AFTPH: variants seen among roughly 807,000 people sequenced by gnomAD.
The protein encoded by AFTPH is aftiphilin protein.
AFTPH carries 7 observed loss-of-function variants against 72.5 expected under a neutral mutation model. The ratio of observed to expected loss-of-function variants is 0.10; its 90% CI spans 0.05 to 0.18. The LOEUF (loss-of-function observed/expected upper bound fraction) is 0.18. Ranked by LOEUF, AFTPH falls within the 10% of genes least tolerant of loss-of-function variation. The pLI, the probability that AFTPH is intolerant of heterozygous loss-of-function variation, is 1.00. For synonymous variants in AFTPH, 337 were observed against 370.1 expected (o/e 0.91, Z 1.03); for missense variants, 979 against 1,060.5 (o/e 0.92, Z 1.07).
chr2:64,533,965 A>T (rs1669760400), intron 1 of AFTPH, among the ~76,000 whole-genome samples: 1 of 152,160 alleles, frequency 6.6e-6, no homozygotes, highest in Non-Finnish European at 1.5e-5. Context: ...TTCAAAGCAA[A>T]ACTCCTAGGA....
chr2:64,570,359 T>A (rs1672341507), intron 5 of AFTPH, among the ~76,000 whole-genome samples: 1 of 152,122 alleles, frequency 6.6e-6, no homozygotes, highest in Non-Finnish European at 1.5e-5. Flanking sequence ...AAGGAAAAAA[T>A]AATGAAGGAA....
At chr2:64,554,762 CT>C (rs1220996498) in intron 2 of AFTPH, among the ~76,000 whole-genome samples, 1 of 152,192 alleles carries the variant, frequency 6.6e-6, no homozygotes, top group African/African-American at 2.4e-5. Flanking sequence ...AAGAAGTGAA[CT>C]AATTATGATG....
intron 8 of AFTPH, among the ~76,000 whole-genome samples, chr2:64,585,752 C>A (rs776677330): frequency 5.3e-5 from 8 of 152,126 alleles, no homozygotes; most frequent in Non-Finnish European, 1.2e-4. Flanking sequence ...AAGAGATTGG[C>A]CAAGGCTGAC....
In AFTPH at chr2:64,529,347, A is replaced by G. The variant is rs547268467; in HGVS notation, c.-33+4735A>G. ...TTTTTTCACCATTCCTTCTCTTCCC[A>G]ATCAAGTGTGATCTTTTTCTTAGAA... is the stretch of plus-strand genomic sequence containing the variant. On this transcript the variant is annotated intron_variant, in intron 1 of 8. Transcript: ENST00000238856. Among the ~76,000 whole-genome samples, 103 of 147,976 alleles carry G rather than the reference A, an allele frequency of 7.0e-4. 1 individual carries two copies. In the South Asian group the frequency reaches 0.022, roughly 31 times the overall value.
intron 2 of AFTPH, among the ~76,000 whole-genome samples, chr2:64,556,484 ATTTG>A (rs1385312126): frequency 6.6e-5 from 10 of 152,170 alleles, no homozygotes; most frequent in Admixed American, 3.3e-4. Context: ...ATTTGATTTA[ATTTG>A]TTTGATTAAA....
chr2:64,544,343 C>T (rs931072899), intron 1 of AFTPH, among the ~76,000 whole-genome samples: 4 of 152,132 alleles, frequency 2.6e-5, no homozygotes, highest in African/African-American at 4.8e-5. Context: ...AAGACAATAG[C>T]GGCATTATTT....
At chr2:64,549,707 G>C (rs1038948184) in intron 1 of AFTPH, among the ~76,000 whole-genome samples, 1 of 151,940 alleles carries the variant, frequency 6.6e-6, no homozygotes, top group African/African-American at 2.4e-5. Context: ...GTATTAAAAA[G>C]AAGCTATTAC....
chr2:64,564,114 C>G (rs867253184), intron 2 of AFTPH, among the ~76,000 whole-genome samples: 3 of 151,994 alleles, frequency 2.0e-5, no homozygotes, highest in Admixed American at 6.6e-5. Context: ...TTTCCCCCAA[C>G]TCAATAGGAT....
chr2:64,557,520 C>T (rs757441478), intron 2 of AFTPH, among the ~76,000 whole-genome samples: 3 of 152,134 alleles, frequency 2.0e-5, no homozygotes, highest in Non-Finnish European at 4.4e-5. Context: ...CTTGCTCTGT[C>T]GCCCAGGCTG....
intron 1 of AFTPH, among the ~76,000 whole-genome samples, chr2:64,538,270 A>AT (rs1300148972): frequency 6.6e-6 from 1 of 152,084 alleles, no homozygotes; most frequent in Non-Finnish European, 1.5e-5. Context: ...AATGTTATAT[A>AT]TTTTTTTCTT....
intron 1 of AFTPH, among the ~76,000 whole-genome samples, chr2:64,525,737 AACACAGTC>A (rs1669222166): frequency 6.6e-6 from 1 of 152,232 alleles, no homozygotes; most frequent in Admixed American, 6.5e-5. Flanking sequence ...TAATATAATT[AACACAGTC>A]ACGTACATTT....
At chr2:64,555,988 A>ATTTTTTTTTTTTTTTT (rs1671340299) in intron 2 of AFTPH, among the ~76,000 whole-genome samples, 2 of 131,664 alleles carry the variant, frequency 1.5e-5, no homozygotes, top group African/African-American at 7.2e-5. Flanking sequence ...CGAATTCCTC[A>ATTTTTTTTTTTTTTTT]CTTTTTTTTT....
chr2:64,547,491 G>A (rs1670724610), intron 1 of AFTPH, among the ~76,000 whole-genome samples: 1 of 152,180 alleles, frequency 6.6e-6, no homozygotes. Context: ...TTAAGGTAGT[G>A]TCAGGCTTCA....
At chr2:64,572,842 C>G in intron 5 of AFTPH, 104 bp from the exon 6 acceptor site, 1 of 1,434,826 alleles carries the variant, frequency 7.0e-7, no homozygotes, top group Non-Finnish European at 9.4e-7. Flanking sequence ...GTCTTCAGTA[C>G]TTTCCAAGTG....
At chr2:64,572,705 A>T (rs890718429) in intron 5 of AFTPH, among the ~76,000 whole-genome samples, 1 of 152,180 alleles carries the variant, frequency 6.6e-6, no homozygotes, top group African/African-American at 2.4e-5. Flanking sequence ...AATAAAATTT[A>T]AGAATAGCTG....
At chr2:64,572,113 G>A (rs1672471237) in intron 5 of AFTPH, among the ~76,000 whole-genome samples, 2 of 151,928 alleles carry the variant, frequency 1.3e-5, no homozygotes, top group African/African-American at 2.4e-5. Flanking sequence ...TTAGCTACTC[G>A]GGAGGCTGAG....
At chr2:64,545,423 G>A (rs368860346) in intron 1 of AFTPH, among the ~76,000 whole-genome samples, 66 of 149,980 alleles carry the variant, frequency 4.4e-4, no homozygotes, top group South Asian at 6.3e-4. Flanking sequence ...TGTATATACT[G>A]TTTATACTAT....
At chr2:64,588,396 G>A (rs551161894) in intron 8 of AFTPH, among the ~76,000 whole-genome samples, 2 of 152,208 alleles carry the variant, frequency 1.3e-5, no homozygotes, top group African/African-American at 4.8e-5. Context: ...TGTTGCTGCT[G>A]TGAACACTTG....
chr2:64,579,698 C>A, intron 7 of AFTPH, 152 bp downstream of exon 7: 1 of 609,556 alleles, frequency 1.6e-6, no homozygotes. Context: ...ACAGTAATTG[C>A]TCAAGAAACC....
Sources: gnomAD v4.1 joint callset for allele counts (sites outside exome capture counted in the v4.1 genomes callset) on GRCh38, gnomAD v4.1.1 for gene constraint, MANE v1.5 for transcripts, NCBI Gene and HGNC (gene_info 2026-07-23, HGNC 2026-07-21) for gene names.